The following TRHDE variants were observed in gnomAD, a reference collection of about 807,000 sequenced individuals.
The protein encoded by TRHDE is thyrotropin-releasing hormone-degrading ectoenzyme.
A neutral mutation model predicts 125.7 loss-of-function variants in TRHDE; 72 were observed. That is an observed-to-expected ratio of 0.57 (90% CI 0.47 to 0.70). TRHDE has a LOEUF of 0.70. TRHDE is among the 30% of genes least tolerant of loss of function. The pLI, the probability that TRHDE is intolerant of heterozygous loss-of-function variation, is 0.00. For synonymous variants in TRHDE, 509 were observed against 509.1 expected (o/e 1.00, Z 0.00); for missense variants, 1,110 against 1,327.1 (o/e 0.84, Z 2.54).
chr12:72,120,463 C>T (rs189496458), intron 2 of TRHDE, among the ~76,000 whole-genome samples: 7 of 151,988 alleles, frequency 4.6e-5, no homozygotes, highest in South Asian at 2.1e-4. Context: ...GATTTTCTCT[C>T]GTGGTATGTT....
intron 2 of TRHDE, among the ~76,000 whole-genome samples, chr12:72,246,962 T>G (rs914788989): frequency 3.0e-4 from 46 of 152,330 alleles, no homozygotes; most frequent in African/African-American, 1.1e-3. Flanking sequence ...AAATCATGAT[T>G]AATTCAATTC....
intron 5 of TRHDE, among the ~76,000 whole-genome samples, chr12:72,489,288 A>C (rs1877554241): frequency 6.6e-6 from 1 of 151,310 alleles, no homozygotes; most frequent in Non-Finnish European, 1.5e-5. Flanking sequence ...GACTCAAACA[A>C]AAAACAAAAA....
intron 5 of TRHDE, among the ~76,000 whole-genome samples, chr12:72,487,802 C>A (rs1186230658): frequency 2.0e-5 from 3 of 151,688 alleles, no homozygotes; most frequent in East Asian, 3.9e-4. Context: ...GGTTAAAAGT[C>A]AAAAATAATT....
chr12:72,247,261 G>T (rs1878592150), intron 2 of TRHDE, among the ~76,000 whole-genome samples: 1 of 152,100 alleles, frequency 6.6e-6, no homozygotes, highest in South Asian at 2.1e-4. Flanking sequence ...TACATGCTCA[G>T]TACAGATGTA....
chr12:72,325,520 T>C (rs866156891), intron 2 of TRHDE, among the ~76,000 whole-genome samples: 35 of 152,052 alleles, frequency 2.3e-4, no homozygotes, highest in Middle Eastern at 3.2e-3. Context: ...CATGCAAATA[T>C]AGCAAACAAC....
At chr12:72,129,228 A>G (rs1875802374) in intron 2 of TRHDE, among the ~76,000 whole-genome samples, 1 of 152,250 alleles carries the variant, frequency 6.6e-6, no homozygotes, top group Admixed American at 6.5e-5. Context: ...AAAAAAATTT[A>G]TCACCAGCAG....
At chr12:72,250,554 C>T (rs1439491074) in intron 2 of TRHDE, among the ~76,000 whole-genome samples, 1 of 152,158 alleles carries the variant, frequency 6.6e-6, no homozygotes, top group Non-Finnish European at 1.5e-5. Flanking sequence ...AAAGAGAACT[C>T]ATTGTGTATA....
chr12:72,440,847 G>A (rs1874976729), intron 3 of TRHDE, among the ~76,000 whole-genome samples: 1 of 151,892 alleles, frequency 6.6e-6, no homozygotes, highest in Non-Finnish European at 1.5e-5. Context: ...ATAGCAACCA[G>A]GACTTCAATT....
intron 1 of TRHDE, among the ~76,000 whole-genome samples, chr12:72,092,692 C>T (rs598931): frequency 4.6e-5 from 7 of 152,044 alleles, no homozygotes; most frequent in Admixed American, 1.3e-4. Flanking sequence ...TTGGTGTAGT[C>T]TAGGGGCATG....
At chr12:72,596,242 G>A (rs551428392) in intron 12 of TRHDE, among the ~76,000 whole-genome samples, 74 of 152,260 alleles carry the variant, frequency 4.9e-4, no homozygotes, top group African/African-American at 1.8e-3. Context: ...TAAATGGATA[G>A]AGGAGTTGCA....
At chr12:72,552,536 G>C (rs932341663) in intron 7 of TRHDE, among the ~76,000 whole-genome samples, 1 of 152,168 alleles carries the variant, frequency 6.6e-6, no homozygotes, top group African/African-American at 2.4e-5. Flanking sequence ...AACAGCTAGA[G>C]AGGCAGGCAG....
chr12:72,580,232 G>A lies in TRHDE; in HGVS notation c.2321+4690G>A, dbSNP rs997639732. 3.9e-5 allele frequency among the ~76,000 whole-genome samples: 6 copies of A among 152,076 alleles called. No individual in the cohort carries two copies. In the East Asian group the frequency reaches 1.2e-3, roughly 29 times the overall value. Reference sequence around the variant, plus strand: ...TTAAGCCCTATGGTTTTATGTACACGGGTTCTGGTAATATTGTGTTATTTC... The same window carrying A: ...TTAAGCCCTATGGTTTTATGTACACAGGTTCTGGTAATATTGTGTTATTTC... On this transcript the variant is annotated intron_variant, in intron 12 of 18. Transcript: ENST00000261180.
intron 2 of TRHDE, among the ~76,000 whole-genome samples, chr12:72,158,427 C>T (rs1192312205): frequency 6.6e-6 from 1 of 151,550 alleles, no homozygotes; most frequent in African/African-American, 2.4e-5. Flanking sequence ...AGAGCAGGCT[C>T]ATTTGTTATG....
At chr12:72,314,998 A>G (rs998991157) in intron 2 of TRHDE, among the ~76,000 whole-genome samples, 7 of 152,226 alleles carry the variant, frequency 4.6e-5, no homozygotes, top group African/African-American at 1.4e-4. Context: ...TACCAAATTA[A>G]CTTATTGCTA....
intron 3 of TRHDE, among the ~76,000 whole-genome samples, chr12:72,440,177 A>G (rs1376071968): frequency 6.6e-6 from 1 of 151,824 alleles, no homozygotes; most frequent in Non-Finnish European, 1.5e-5. Context: ...TTTGTTGAGG[A>G]TGTTTACATT....
At chr12:72,230,650 C>T (rs888995899) in intron 2 of TRHDE, among the ~76,000 whole-genome samples, 16 of 151,944 alleles carry the variant, frequency 1.1e-4, no homozygotes, top group Non-Finnish European at 4.4e-5. Context: ...CAGAGCTCCC[C>T]ACTCACAACC....
intron 3 of TRHDE, among the ~76,000 whole-genome samples, chr12:72,383,279 T>G (rs534012089): frequency 3.3e-5 from 5 of 152,252 alleles, no homozygotes; most frequent in African/African-American, 1.2e-4. Flanking sequence ...TCTTTTTTTA[T>G]ATCCCAAAAG....
chr12:72,212,303 T>G (rs2139362552), intron 2 of TRHDE, among the ~76,000 whole-genome samples: 1 of 152,158 alleles, frequency 6.6e-6, no homozygotes, highest in African/African-American at 2.4e-5. Context: ...GGAGTTAGTC[T>G]TTATGATTGA....
intron 2 of TRHDE, among the ~76,000 whole-genome samples, chr12:72,372,021 G>A (rs1332917200): frequency 6.6e-6 from 1 of 152,120 alleles, no homozygotes; most frequent in Non-Finnish European, 1.5e-5. Flanking sequence ...GTATAAAAGT[G>A]TTCCTATTTC....
Sources: allele counts gnomAD v4.1 joint callset (sites outside exome capture counted in the v4.1 genomes callset), GRCh38; gene constraint gnomAD v4.1.1; transcripts MANE v1.5; gene names NCBI Gene and HGNC (gene_info 2026-07-23, HGNC 2026-07-21).